Variants in SNTG2 observed in about 807,000 individuals in gnomAD.
SNTG2 encodes the protein syntrophin gamma 2.
Under a neutral mutation model 70.9 loss-of-function variants are expected in SNTG2, and 74 were observed. The observed-to-expected ratio is 1.04, with a 90% confidence interval of 0.86 to 1.27. The LOEUF (loss-of-function observed/expected upper bound fraction) is 1.27, where lower values mean the gene tolerates loss of function less well. Ranked by LOEUF, SNTG2 falls within the 50% of genes most tolerant of loss-of-function variation. The probability of loss-of-function intolerance (pLI) is 0.00; values close to 1 mark genes in which losing one functional copy is unlikely to be tolerated. For synonymous variants in SNTG2, 278 were observed against 273.8 expected (o/e 1.02, Z -0.15); for missense variants, 717 against 690.7 (o/e 1.04, Z -0.43).
intron 16 of SNTG2, among the ~76,000 whole-genome samples, chr2:1,350,504 G>C (rs1660519647): frequency 6.6e-6 from 1 of 152,164 alleles, no homozygotes; most frequent in African/African-American, 2.4e-5. Flanking sequence ...TCTTGCAGGA[G>C]TTTGGCAATT....
At chr2:1,337,134 A>G (rs910768742) in intron 16 of SNTG2, among the ~76,000 whole-genome samples, 1 of 152,174 alleles carries the variant, frequency 6.6e-6, no homozygotes, top group Admixed American at 6.5e-5. Context: ...GGCTCTTGTG[A>G]ATAATGCTAC....
At chr2:1,111,151 G>A (rs958943443) in intron 4 of SNTG2, among the ~76,000 whole-genome samples, 1 of 152,204 alleles carries the variant, frequency 6.6e-6, no homozygotes, top group Non-Finnish European at 1.5e-5. Flanking sequence ...TATTGCTAAT[G>A]AATCAATGAA....
At chr2:1,325,344 G>A (rs1057105714) in intron 16 of SNTG2, among the ~76,000 whole-genome samples, 18 of 152,180 alleles carry the variant, frequency 1.2e-4, no homozygotes, top group Admixed American at 1.1e-3. Context: ...CCCAATTGCT[G>A]TAAGCTGTAA....
chr2:1,331,588 C>A (rs982177125), intron 16 of SNTG2, among the ~76,000 whole-genome samples: 1 of 152,100 alleles, frequency 6.6e-6, no homozygotes, highest in South Asian at 2.1e-4. Flanking sequence ...CTGAGAGTCC[C>A]ACCCAATGGA....
At chr2:1,196,269 G>T (rs942005711) in intron 8 of SNTG2, among the ~76,000 whole-genome samples, 9 of 152,156 alleles carry the variant, frequency 5.9e-5, no homozygotes, top group Non-Finnish European at 1.3e-4. Context: ...AGTAGATCAA[G>T]CAAAATAATG....
chr2:1,016,824 G>A (rs1264023325), intron 1 of SNTG2, among the ~76,000 whole-genome samples: 1 of 152,230 alleles, frequency 6.6e-6, no homozygotes, highest in African/African-American at 2.4e-5. Flanking sequence ...ATTAGGCTCT[G>A]TGTGTTGAAA....
At chr2:1,262,837 C>A (rs1678515606) in intron 13 of SNTG2, 1 of 152,308 alleles carries the variant, frequency 6.6e-6, no homozygotes, top group Non-Finnish European at 1.5e-5. Context: ...TCGGTCCAGA[C>A]GAGGAAACCC....
intron 16 of SNTG2, among the ~76,000 whole-genome samples, chr2:1,325,799 G>C (rs534945993): frequency 6.6e-6 from 1 of 152,140 alleles, no homozygotes; most frequent in East Asian, 1.9e-4. Flanking sequence ...ATTAAACGTA[G>C]TCAGGATTAT....
chr2:1,117,680 C>G (rs1338753739), intron 4 of SNTG2, among the ~76,000 whole-genome samples: 1 of 152,182 alleles, frequency 6.6e-6, no homozygotes, highest in Non-Finnish European at 1.5e-5. Flanking sequence ...ACGAGCTCCC[C>G]AGAGTTCAAG....
chr2:1,133,905 C>T (rs924511621), intron 4 of SNTG2, among the ~76,000 whole-genome samples: 4 of 149,000 alleles, frequency 2.7e-5, no homozygotes, highest in East Asian at 1.9e-4. Context: ...AGAATGAAGC[C>T]GCGGACCCTC....
chr2:1,235,176 T>TA (rs1392497544), intron 9 of SNTG2, among the ~76,000 whole-genome samples: 1 of 137,968 alleles, frequency 7.2e-6, no homozygotes, highest in African/African-American at 2.8e-5. Context: ...GGGGCGCCCC[T>TA]ACCCCACTCT....
At chr2:1,178,609 T>C (rs909232346) in intron 8 of SNTG2, among the ~76,000 whole-genome samples, 7 of 152,022 alleles carry the variant, frequency 4.6e-5, no homozygotes, top group African/African-American at 1.7e-4. Flanking sequence ...TTATGTTCAT[T>C]GATTTGCGTA....
chr2:1,031,375 A>G (rs556544980), intron 1 of SNTG2, among the ~76,000 whole-genome samples: 1 of 151,338 alleles, frequency 6.6e-6, no homozygotes, highest in South Asian at 2.1e-4. Flanking sequence ...AGATGGGCAC[A>G]CTCTAATTGT....
intron 8 of SNTG2, among the ~76,000 whole-genome samples, chr2:1,203,673 A>AATAT (rs534989970): frequency 3.8e-3 from 436 of 115,448 alleles, no homozygotes; most frequent in Middle Eastern, 0.012. Context: ...CAAAAAAAAA[A>AATAT]ATATATATAT....
intron 1 of SNTG2, among the ~76,000 whole-genome samples, chr2:959,399 T>G (rs183134699): frequency 5.9e-5 from 9 of 152,372 alleles, no homozygotes; most frequent in Non-Finnish European, 1.0e-4. Context: ...TATCAAATTT[T>G]GTCGTGACCT....
chr2:1,360,449 G>A (rs1360992933), intron 16 of SNTG2, among the ~76,000 whole-genome samples: 1 of 152,160 alleles, frequency 6.6e-6, no homozygotes, highest in Non-Finnish European at 1.5e-5. Context: ...CAGCAGCACA[G>A]CTTAGAAGGA....
chr2:1,146,364 ATGAGG>A (rs1669101619), intron 6 of SNTG2, among the ~76,000 whole-genome samples: 1 of 140,016 alleles, frequency 7.1e-6, no homozygotes, highest in African/African-American at 2.7e-5. Flanking sequence ...TAATGTTTAA[ATGAGG>A]TGAACTACAA....
chr2:962,226 A>G (rs1660372976), intron 1 of SNTG2, among the ~76,000 whole-genome samples: 1 of 152,148 alleles, frequency 6.6e-6, no homozygotes, highest in African/African-American at 2.4e-5. Flanking sequence ...GGCACATGCC[A>G]CTATCCCGGC....
At chr2:1,203,673 A>AAAATATAT (rs1451954919) in intron 8 of SNTG2, among the ~76,000 whole-genome samples, 6 of 115,516 alleles carry the variant, frequency 5.2e-5, no homozygotes, top group Admixed American at 4.9e-4. Context: ...CAAAAAAAAA[A>AAAATATAT]ATATATATAT....
Sources: gnomAD v4.1 joint callset for allele counts (sites outside exome capture counted in the v4.1 genomes callset) on GRCh38, gnomAD v4.1.1 for gene constraint, MANE v1.5 for transcripts, NCBI Gene and HGNC (gene_info 2026-07-23, HGNC 2026-07-21) for gene names.